MELK: variants seen among roughly 807,000 people sequenced by gnomAD.
The protein encoded by MELK is maternal embryonic leucine zipper kinase, also known as pEg3 kinase.
In MELK, 81 loss-of-function variants were observed where a neutral mutation model predicts 85.0. The ratio of observed to expected loss-of-function variants is 0.95; its 90% confidence interval spans 0.80 to 1.15. The LOEUF is 1.15. MELK is among the 50% of genes most tolerant of loss of function. The pLI is 0.00. For synonymous variants in MELK, 252 were observed against 265.0 expected, an observed-to-expected ratio of 0.95 and a Z score of 0.48; for missense variants, 754 against 777.5, an observed-to-expected ratio of 0.97 and a Z score of 0.36.
chr9:36,674,125 A>G (rs1486020714), intron 16 of MELK, among the ~76,000 whole-genome samples: 2 of 152,198 alleles, frequency 1.3e-5, no homozygotes, highest in Non-Finnish European at 2.9e-5. Context: ...TTTGTTTGAC[A>G]GTGAAGGTAC....
intron 13 of MELK, among the ~76,000 whole-genome samples, chr9:36,664,604 C>G (rs1162398143): frequency 2.0e-5 from 3 of 152,192 alleles, no homozygotes; most frequent in Non-Finnish European, 2.9e-5. Flanking sequence ...TTTTTCTCCT[C>G]CCTCAGAACC....
intron 10 of MELK, among the ~76,000 whole-genome samples, chr9:36,638,287 TTTTG>T (rs963297220): frequency 5.3e-5 from 8 of 152,146 alleles, no homozygotes; most frequent in Admixed American, 5.2e-4. Context: ...TACATCTTTT[TTTTG>T]TTTGTTTTTT....
rs1398617351 is a variant in MELK, at chr9:36,638,753, T to C, written c.835-4244T>C. 2.0e-5 allele frequency among the ~76,000 whole-genome samples: 3 copies of C among 152,342 alleles called. No homozygotes were observed. In the East Asian group the frequency reaches 5.8e-4, roughly 29 times the overall value. The stretch of plus-strand genomic sequence containing the variant: ...GCACTATCCTATGGGCTTTATGTTG[T>C]GTTAACTCCTTTAATCCATTTAATC... On this transcript the variant is annotated intron_variant, in intron 10 of 17. Transcript: ENST00000298048.
At chr9:36,584,500 T>A (rs1392493237) in intron 3 of MELK, among the ~76,000 whole-genome samples, 1 of 146,116 alleles carries the variant, frequency 6.8e-6, no homozygotes, top group Non-Finnish European at 1.5e-5. Flanking sequence ...TTGTATTTTT[T>A]TTTTTTTTTT....
chr9:36,588,670 C>T (rs1823209886), intron 3 of MELK, among the ~76,000 whole-genome samples: 1 of 152,132 alleles, frequency 6.6e-6, no homozygotes, highest in South Asian at 2.1e-4. Context: ...TGATCCACTG[C>T]GCCCTGCCTC....
At chr9:36,599,327 AT>A in intron 6 of MELK, 66 bp from the exon 7 acceptor site, 1 of 862,346 alleles carries the variant, frequency 1.2e-6, no homozygotes, top group Non-Finnish European at 1.7e-6. Flanking sequence ...AAAAAAAAGA[AT>A]GTTTATCAAG....
chr9:36,596,400 C>G (rs898092196), intron 5 of MELK, among the ~76,000 whole-genome samples: 1 of 151,444 alleles, frequency 6.6e-6, no homozygotes. Context: ...GGACTACAGG[C>G]GCCTGCCACC....
chr9:36,645,729 G>A (rs975300303), intron 11 of MELK, among the ~76,000 whole-genome samples: 1 of 152,086 alleles, frequency 6.6e-6, no homozygotes, highest in Non-Finnish European at 1.5e-5. Flanking sequence ...GGGTATAGCC[G>A]AGGCATGAGA....
At chr9:36,584,294 C>T (rs1163979517) in intron 3 of MELK, among the ~76,000 whole-genome samples, 2 of 147,998 alleles carry the variant, frequency 1.4e-5, no homozygotes, top group South Asian at 2.1e-4. Flanking sequence ...CGTGAGCCAC[C>T]GCGCCCGGCC....
intron 5 of MELK, among the ~76,000 whole-genome samples, chr9:36,595,420 T>A (rs1824105007): frequency 6.6e-6 from 1 of 151,564 alleles, no homozygotes; most frequent in Admixed American, 6.6e-5. Context: ...ACAGGTGTGA[T>A]CCACCGCGCC....
At chr9:36,642,418 CTTTTTTTT>C (rs34671966) in intron 10 of MELK, among the ~76,000 whole-genome samples, 6 of 84,774 alleles carry the variant, frequency 7.1e-5, no homozygotes, top group Admixed American at 2.8e-4. Context: ...TACAACAGAA[CTTTTTTTT>C]TTTTTTTTTT....
At chr9:36,667,644 GGTT>G (rs761835651) in intron 14 of MELK, among the ~76,000 whole-genome samples, 1 of 152,170 alleles carries the variant, frequency 6.6e-6, no homozygotes, top group Non-Finnish European at 1.5e-5. Flanking sequence ...AGCTATTATT[GGTT>G]GTTTCTTTTT....
chr9:36,675,388 A>G (rs1250615702), intron 17 of MELK, among the ~76,000 whole-genome samples: 1 of 152,336 alleles, frequency 6.6e-6, no homozygotes, highest in South Asian at 2.1e-4. Flanking sequence ...GTTATTGCTT[A>G]TAATTTATTC....
chr9:36,616,387 C>CTTTTTTTTTTTTTTTTTTTTTTT (rs60212848), intron 8 of MELK, among the ~76,000 whole-genome samples: 2 of 114,628 alleles, frequency 1.7e-5, no homozygotes, highest in African/African-American at 6.6e-5. Context: ...ATGTCAAACT[C>CTTTTTTTTTTTTTTTTTTTTTTT]TTTTTTTTTT....
intron 7 of MELK, among the ~76,000 whole-genome samples, chr9:36,605,621 C>G (rs1233032873): frequency 6.6e-6 from 1 of 151,818 alleles, no homozygotes; most frequent in Non-Finnish European, 1.5e-5. Flanking sequence ...CCTCCTGCAA[C>G]TTGGAAGAGT....
chr9:36,579,908 C>T (rs1444541714), intron 1 of MELK, among the ~76,000 whole-genome samples: 1 of 151,912 alleles, frequency 6.6e-6, no homozygotes, highest in Non-Finnish European at 1.5e-5. Context: ...GTATAATTAA[C>T]AGTATATGTA....
chr9:36,578,662 G>A (rs1231798732), intron 1 of MELK, among the ~76,000 whole-genome samples: 1 of 152,048 alleles, frequency 6.6e-6, no homozygotes, highest in Non-Finnish European at 1.5e-5. Flanking sequence ...TGTTTATATG[G>A]TTATGTTCAG....
In MELK at chr9:36,621,052, C is replaced by T. The variant is rs566567167; in HGVS notation, c.667-9247C>T. ...TTGGGAGACTGAGGTGGGCGAATCA[C>T]GAGGTCAGGAGCTCGAAATCAGCCT... is the stretch of plus-strand genomic sequence containing the variant. On this transcript the variant is annotated intron_variant, in intron 8 of 17. Coordinates refer to ENST00000298048, the MANE Select transcript of MELK (RefSeq NM_014791.4). Among the ~76,000 whole-genome samples the T allele has an allele frequency of 4.6e-5, 7 of 151,548 alleles. No homozygotes were observed. The South Asian group carries it at 8.4e-4, about 18-fold the overall frequency.
At chr9:36,671,633 C>G (rs1832896804) in intron 16 of MELK, among the ~76,000 whole-genome samples, 1 of 152,172 alleles carries the variant, frequency 6.6e-6, no homozygotes, top group African/African-American at 2.4e-5. Flanking sequence ...GGAAGGGCCT[C>G]AAGGCCTGGC....
Sources: allele counts gnomAD v4.1 joint callset (sites outside exome capture counted in the v4.1 genomes callset), GRCh38; gene constraint gnomAD v4.1.1; transcripts MANE v1.5; gene names NCBI Gene and HGNC (gene_info 2026-07-23, HGNC 2026-07-21).